CDH23: variants seen among roughly 807,000 people sequenced by gnomAD.
CDH23 encodes the protein cadherin related 23, also known as cadherin-23.
In CDH23, 189 loss-of-function variants were observed where a neutral mutation model predicts 317.1. That is an observed-to-expected ratio of 0.60 (90% confidence interval 0.53 to 0.67). The LOEUF is 0.67. Ranked by LOEUF, CDH23 falls within the 30% of genes least tolerant of loss-of-function variation. The pLI, the probability that CDH23 is intolerant of heterozygous loss-of-function variation, is 0.00. For missense variants in CDH23, 4,401 were observed against 4,592.4 expected (o/e 0.96, Z 1.20); for synonymous variants, 1,839 against 1,876.8 (o/e 0.98, Z 0.52).
intron 38 of CDH23, among the ~76,000 whole-genome samples, chr10:71,760,314 C>CATATATAT (rs71018220): frequency 2.4e-5 from 2 of 82,418 alleles, no homozygotes; most frequent in Non-Finnish European, 6.1e-5. Context: ...TATACACACA[C>CATATATAT]ATATATATAT....
intron 67 of CDH23, 34 bp from the exon 68 acceptor site, chr10:71,812,734 T>C: frequency 1.2e-6 from 2 of 1,612,854 alleles, no homozygotes; most frequent in Non-Finnish European, 1.7e-6. Flanking sequence ...GTGTGGGGTC[T>C]GCCTCTGCTC....
intron 6 of CDH23, among the ~76,000 whole-genome samples, chr10:71,556,631 G>A (rs1303744521): frequency 6.6e-6 from 1 of 151,812 alleles, no homozygotes; most frequent in South Asian, 2.1e-4. Flanking sequence ...CCACTCAGTG[G>A]TGCAGCCATA....
chr10:71,426,597 A>T (rs1849089594), intron 1 of CDH23, among the ~76,000 whole-genome samples: 1 of 152,012 alleles, frequency 6.6e-6, no homozygotes, highest in African/African-American at 2.4e-5. Flanking sequence ...AAGTAAGGGG[A>T]CTGGAAGGGG....
At chr10:71,784,254 C>T (rs190902692) in intron 41 of CDH23, 33 bp from the exon 42 acceptor site, 795 of 1,600,700 alleles carry the variant, frequency 5.0e-4, no homozygotes, top group Admixed American at 1.4e-3. Context: ...TGCCAATGCC[C>T]GACTAACTTG....
intron 55 of CDH23, among the ~76,000 whole-genome samples, chr10:71,803,976 CTT>C (rs1279854793): frequency 2.3e-5 from 2 of 87,734 alleles, no homozygotes; most frequent in South Asian, 4.6e-4. Flanking sequence ...CAGAGTGAGA[CTT>C]TGTCAAAAAA....
At chr10:71,716,663 G>A (rs1284225720) in intron 28 of CDH23, 3 of 256,282 alleles carry the variant, frequency 1.2e-5, no homozygotes, top group Non-Finnish European at 2.2e-5. Context: ...CAGGGTCTTA[G>A]GCCTGGAAAC....
At chr10:71,637,080 A>G (rs10465974) in intron 11 of CDH23, among the ~76,000 whole-genome samples, 151,647 of 152,312 alleles carry the variant, frequency 1, 75,492 homozygotes, top group East Asian at 1. Flanking sequence ...GGAGAGGCCT[A>G]CCTCCTGCCG....
chr10:71,793,510 C>A lies in CDH23; in HGVS notation c.6582C>A (p.Ala2194=), dbSNP rs754601602. Residue 2194 remains alanine (A), a synonymous_variant, in exon 48 of 70, where the codon GCC becomes GCA. Coordinates refer to ENST00000224721, the MANE Select transcript of CDH23 (RefSeq NM_022124.6). ...CGGCTGAGCCAGGCACTGTCATTGC[C>A]AATATCACGGCCATTGACCACGACC... The part of the protein sequence containing the change: ...LESAEPGTVI[A]NITAIDHDLN... 1.1e-5 allele frequency: 17 copies of A among 1,613,972 alleles called. No individual in the cohort carries two copies. Among genetic ancestry groups the A allele is most frequent in the Non-Finnish European group, 1.4e-5 (16 of 1,179,910 alleles).
intron 14 of CDH23, among the ~76,000 whole-genome samples, chr10:71,662,805 G>A (rs751723643): frequency 1.3e-5 from 2 of 152,204 alleles, no homozygotes; most frequent in African/African-American, 2.4e-5. Context: ...GGTGCCACCA[G>A]CTGGGCGGCT....
Position 71,798,495 on chromosome 10 carries a change from A to G in CDH23, c.6971A>G (p.Asp2324Gly). ...TLIAVAAVDP[D>G]KGLNGLVTYT... Reference sequence around the variant, plus strand: ...ATTGCTGTGGCAGCCGTGGACCCTGACAAGGGCCTTAATGGGCTGGTCACC... The same window carrying G: ...ATTGCTGTGGCAGCCGTGGACCCTGGCAAGGGCCTTAATGGGCTGGTCACC... The change falls in exon 50 of 70, where the codon GAC (aspartate) becomes GGC (glycine). Residue 2324 changes from aspartate (D) to glycine (G), a missense_variant. Around this residue, in one of 3 missense-constraint regions of CDH23, gnomAD observed 3,068 missense variants for 3,203.3 expected, o/e 0.96. Transcript: ENST00000224721. 6.2e-7 allele frequency: 1 copy of G among 1,613,970 alleles called. No individual in the cohort carries two copies.
intron 3 of CDH23, among the ~76,000 whole-genome samples, chr10:71,448,463 G>C (rs1022133263): frequency 6.6e-6 from 1 of 152,202 alleles, no homozygotes; most frequent in Non-Finnish European, 1.5e-5. Context: ...GGATTGAGAG[G>C]GGGCTCAGTG....
chr10:71,730,482 T>C lies in CDH23; in HGVS notation c.3593T>C (p.Val1198Ala), dbSNP rs759990271. Residue 1198 changes from valine to alanine, a missense_variant, in exon 31 of 70, where the codon GTG becomes GCG. Physicochemically the swap from Val to Ala is moderately conservative, Grantham distance 64. Transcript: ENST00000224721. ...MRSSVRVIVY[V>A]EDINDEAPVF... The stretch of plus-strand genomic sequence containing the variant: ...CGGCTCCCACAGGTGATTGTGTACG[T>C]GGAGGACATCAACGATGAGGCCCCC... The C allele has an allele frequency of 1.4e-5, 23 of 1,613,630 alleles. No homozygotes were observed. The Middle Eastern group carries it at 6.7e-4, about 47-fold the overall frequency.
At chr10:71,471,018 AAAGGAC>A (rs549291685) in intron 3 of CDH23, among the ~76,000 whole-genome samples, 2 of 152,214 alleles carry the variant, frequency 1.3e-5, no homozygotes, top group Non-Finnish European at 2.9e-5. Context: ...ATATACAGAT[AAAGGAC>A]TCATATATCT....
In CDH23 at chr10:71,695,551, T is replaced by A. The variant is rs3752750; in HGVS notation, c.2397+26T>A. The A allele has an allele frequency of 1.8e-5, 28 of 1,536,656 alleles. 2 individuals carry two copies. The South Asian group carries it at 3.1e-4, about 17-fold the overall frequency. Reference sequence around the variant, plus strand: ...GTAGGTGGTGGCAGAGCAGCAGAACTGCCAGGCGGCCCTTCCCAGGGGTCT... The same window carrying A: ...GTAGGTGGTGGCAGAGCAGCAGAACAGCCAGGCGGCCCTTCCCAGGGGTCT... On this transcript the variant is annotated intron_variant, in intron 22 of 69. Coordinates refer to ENST00000224721, the MANE Select transcript of CDH23 (RefSeq NM_022124.6).
chr10:71,545,576 A>G (rs748750297), intron 6 of CDH23, among the ~76,000 whole-genome samples: 3 of 152,202 alleles, frequency 2.0e-5, no homozygotes, highest in Admixed American at 2.0e-4. Flanking sequence ...TATTCATTCA[A>G]GAAACAGTTC....
At chr10:71,675,903 CTTTTTTTTTT>C (rs66656163) in intron 15 of CDH23, among the ~76,000 whole-genome samples, 1 of 120,878 alleles carries the variant, frequency 8.3e-6, no homozygotes, top group Non-Finnish European at 1.7e-5. Flanking sequence ...AGCCCTCTAA[CTTTTTTTTTT>C]TTTTTTTTTT....
intron 6 of CDH23, among the ~76,000 whole-genome samples, chr10:71,550,013 C>G (rs548520240): frequency 6.6e-6 from 1 of 152,274 alleles, no homozygotes; most frequent in East Asian, 1.9e-4. Flanking sequence ...AACGGGCTTC[C>G]CGCAGATGGA....
rs116628136 is a variant in CDH23 at position 71,731,198 on chromosome 10, T to C, written c.3715+594T>C. Among the ~76,000 whole-genome samples, 1,300 of 152,332 alleles carry C rather than the reference T, an allele frequency of 8.5e-3. 22 individuals are homozygous for C. Among genetic ancestry groups the C allele is most frequent in the African/African-American group, 0.03 (1,246 of 41,574 alleles). The stretch of plus-strand genomic sequence containing the variant: ...TCCGTGCGGCCTGGGCTGTCTGGCC[T>C]GTACCCCAGTCAGGGATACAGCTGA... On this transcript the variant is annotated intron_variant, in intron 31 of 69. Transcript: ENST00000224721.
At chr10:71,716,111 G>A (rs1866215297) in intron 28 of CDH23, 2 of 1,546,560 alleles carry the variant, frequency 1.3e-6, no homozygotes, top group Admixed American at 2.0e-5. Flanking sequence ...AGGGTGGTGG[G>A]GCATGCACTC....
Sources: gnomAD v4.1 joint callset for allele counts (sites outside exome capture counted in the v4.1 genomes callset) on GRCh38, gnomAD v4.1.1 for gene constraint, gnomAD v4.1.1 regional missense constraint, MANE v1.5 for transcripts, NCBI Gene and HGNC (gene_info 2026-07-23, HGNC 2026-07-21) for gene names.